The following LUC7L2 variants were observed in gnomAD, a reference collection of about 807,000 sequenced individuals.
The protein encoded by LUC7L2 is putative RNA-binding protein Luc7-like 2.
A neutral mutation model predicts 52.8 loss-of-function variants in LUC7L2; 25 were observed. That is an observed-to-expected ratio of 0.47 (90% CI 0.34 to 0.66). The LOEUF (loss-of-function observed/expected upper bound fraction) is 0.66. LUC7L2 is among the 30% of genes least tolerant of loss of function. The pLI is 0.01. For synonymous variants in LUC7L2, 144 were observed against 160.9 expected, an observed-to-expected ratio of 0.89 and a Z score of 0.80; for missense variants, 328 against 497.8, an observed-to-expected ratio of 0.66 and a Z score of 3.25.
chr7:139,383,970 G>C (rs1361882838), intron 2 of LUC7L2, among the ~76,000 whole-genome samples: 1 of 147,090 alleles, frequency 6.8e-6, no homozygotes, highest in Non-Finnish European at 1.5e-5. Context: ...GGCTGGTTTC[G>C]AACTCCTGAC....
intron 1 of LUC7L2, chr7:139,371,525 CTTG>C: frequency 2.3e-6 from 2 of 887,028 alleles, no homozygotes; most frequent in Non-Finnish European, 1.6e-6. Flanking sequence ...GATTTGGTTT[CTTG>C]TTTGTATGGG....
At chr7:139,409,324 A>C (rs1260848392) in intron 6 of LUC7L2, among the ~76,000 whole-genome samples, 4 of 151,904 alleles carry the variant, frequency 2.6e-5, no homozygotes, top group African/African-American at 9.7e-5. Context: ...AAAAAAAAAA[A>C]CCAAGTAGAA....
At chr7:139,397,906 A>ACTTATGTTG (rs1355723921) in intron 2 of LUC7L2, among the ~76,000 whole-genome samples, 1 of 152,196 alleles carries the variant, frequency 6.6e-6, no homozygotes, top group African/African-American at 2.4e-5. Context: ...TTCTCTGTGC[A>ACTTATGTTG]CTTATGTTGG....
chr7:139,367,237 G>A (rs574479116), intron 1 of LUC7L2, among the ~76,000 whole-genome samples: 1 of 152,194 alleles, frequency 6.6e-6, no homozygotes, highest in East Asian at 1.9e-4. Context: ...CTCCCAAAGT[G>A]CTGGTATTAC....
upstream of LUC7L2, among the ~76,000 whole-genome samples, chr7:139,358,285 G>A (rs527979040): frequency 6.6e-6 from 1 of 152,308 alleles, no homozygotes; most frequent in South Asian, 2.1e-4. Flanking sequence ...TGGGATTACA[G>A]GCATGAGCCA....
chr7:139,341,509 T>G (rs1285807685), intron 1 of LUC7L2: 1 of 1,612,850 alleles, frequency 6.2e-7, no homozygotes, highest in Non-Finnish European at 8.5e-7. Flanking sequence ...GTGAAGGCTT[T>G]CCGTGCACAT....
chr7:139,365,139 A>T (rs1021603722), intron 1 of LUC7L2, among the ~76,000 whole-genome samples: 5 of 152,364 alleles, frequency 3.3e-5, no homozygotes, highest in Admixed American at 3.3e-4. Flanking sequence ...CTGCATAGTG[A>T]ATCAATGAAA....
At chr7:139,356,646 T>C (rs1008564872), upstream of LUC7L2, among the ~76,000 whole-genome samples, 1 of 150,762 alleles carries the variant, frequency 6.6e-6, no homozygotes, top group Non-Finnish European at 1.5e-5. Context: ...ATAGTAAATA[T>C]TTGAGTGTTG....
intron 9 of LUC7L2, among the ~76,000 whole-genome samples, chr7:139,420,693 C>T (rs1795859009): frequency 6.6e-6 from 1 of 152,092 alleles, no homozygotes; most frequent in Non-Finnish European, 1.5e-5. Context: ...TGTTTGGCAT[C>T]TAGTGTCTTT....
exon 1 of LUC7L2, chr7:139,340,508 A>G (rs1798880839): frequency 2.5e-6 from 1 of 398,544 alleles, no homozygotes; most frequent in Non-Finnish European, 4.4e-6. Flanking sequence ...GCATCGGTGC[A>G]GTTTCGAGGG....
chr7:139,410,945 T>TGA (rs111728038), intron 7 of LUC7L2, among the ~76,000 whole-genome samples: 58,123 of 151,834 alleles, frequency 0.38, 15,524 homozygotes, highest in African/African-American at 0.76. Flanking sequence ...AGTCCTCTAT[T>TGA]GAGAGAGAGA....
intron 2 of LUC7L2, among the ~76,000 whole-genome samples, chr7:139,396,681 T>C (rs1794675217): frequency 6.6e-6 from 1 of 152,204 alleles, no homozygotes; most frequent in Non-Finnish European, 1.5e-5. Flanking sequence ...GTACATAGAA[T>C]GTGTGTTTTG....
chr7:139,400,337 C>T (rs1794851959), intron 3 of LUC7L2, among the ~76,000 whole-genome samples: 1 of 152,004 alleles, frequency 6.6e-6, no homozygotes, highest in African/African-American at 2.4e-5. Context: ...GGTGAAACCC[C>T]ATCTCTACTA....
At chr7:139,398,487 A>G (rs1794756072) in intron 2 of LUC7L2, 112 bp from the exon 3 acceptor site, 1 of 759,708 alleles carries the variant, frequency 1.3e-6, no homozygotes, top group Non-Finnish European at 1.9e-6. Flanking sequence ...AAGCCCCTAC[A>G]TAAAAAAGCA....
chr7:139,411,274 CTG>C (rs1474458474), intron 7 of LUC7L2, among the ~76,000 whole-genome samples: 1 of 151,948 alleles, frequency 6.6e-6, no homozygotes, highest in African/African-American at 2.4e-5. Flanking sequence ...GTCGTTGAAT[CTG>C]TGAGCTTAAA....
At chr7:139,361,085 G>A (rs1447807504) in intron 1 of LUC7L2, among the ~76,000 whole-genome samples, 1 of 152,216 alleles carries the variant, frequency 6.6e-6, no homozygotes, top group East Asian at 1.9e-4. Flanking sequence ...CAGGCGTTTA[G>A]TTTAGAATCT....
At chr7:139,340,534 G>C (rs1798882759) in intron 1 of LUC7L2, 1 of 398,384 alleles carries the variant, frequency 2.5e-6, no homozygotes, top group Admixed American at 4.4e-5. Context: ...CCTTTGGCGC[G>C]GTGATGTGGA....
chr7:139,350,826 G>A (rs570772792), intron 1 of LUC7L2, among the ~76,000 whole-genome samples: 13 of 151,894 alleles, frequency 8.6e-5, no homozygotes, highest in South Asian at 8.3e-4. Context: ...ACAGGCGCCC[G>A]CCACAACGCC....
rs749624906 is a variant in LUC7L2, at chr7:139,422,390, C to A, written c.*50C>A. The A allele has an allele frequency of 3.8e-5, 60 of 1,559,820 alleles. No homozygotes were observed. In the South Asian group the frequency reaches 7.4e-4, roughly 19 times the overall value. ...CTTAAGCTTCCTACGGAGTTACGTA[C>A]TATTGTTTAGTTCACAGCTGTTCAG... On this transcript the variant is annotated 3_prime_UTR_variant, in exon 10 of 10. Transcript: ENST00000354926.
Sources: gnomAD v4.1 joint callset for allele counts (sites outside exome capture counted in the v4.1 genomes callset) on GRCh38, gnomAD v4.1.1 for gene constraint, MANE v1.5 for transcripts, NCBI Gene and HGNC (gene_info 2026-07-23, HGNC 2026-07-21) for gene names.